The following ANK3 variants were observed in gnomAD, a reference collection of about 807,000 sequenced individuals.
ANK3 encodes ankyrin-3.
A neutral mutation model predicts 370.9 loss-of-function variants in ANK3; 57 were observed. The observed-to-expected ratio is 0.15, with a 90% CI of 0.12 to 0.19. ANK3 has a LOEUF of 0.19. Ranked by LOEUF, ANK3 falls within the 10% of genes least tolerant of loss-of-function variation. The pLI, the probability that ANK3 is intolerant of heterozygous loss-of-function variation, is 1.00. For missense variants in ANK3, 4,439 were observed against 5,302.1 expected (o/e 0.84, Z 5.06); for synonymous variants, 1,929 against 1,946.3 (o/e 0.99, Z 0.23).
At chr10:60,569,849 G>C (rs1257683933) in intron 2 of ANK3, among the ~76,000 whole-genome samples, 1 of 152,050 alleles carries the variant, frequency 6.6e-6, no homozygotes, top group Non-Finnish European at 1.5e-5. Context: ...TATGTCACTA[G>C]GAAATATTTT....
intron 1 of ANK3, among the ~76,000 whole-genome samples, chr10:60,721,620 T>G (rs1189034807): frequency 6.6e-6 from 1 of 152,186 alleles, no homozygotes; most frequent in East Asian, 1.9e-4. Context: ...TTAAAATGAT[T>G]TGTACTTCAT....
intron 2 of ANK3, chr10:60,572,976 C>T: frequency 5.1e-6 from 5 of 988,320 alleles, no homozygotes; most frequent in Non-Finnish European, 6.0e-6. Flanking sequence ...TCTCCGAAGC[C>T]TTCCCAGGGG....
chr10:60,656,950 T>C (rs2078872943), intron 1 of ANK3, among the ~76,000 whole-genome samples: 1 of 151,748 alleles, frequency 6.6e-6, no homozygotes, highest in African/African-American at 2.4e-5. Flanking sequence ...TTTTGTTTTT[T>C]GTTTTAAGAG....
At chr10:60,302,917 C>A (rs1427534989) in intron 1 of ANK3, among the ~76,000 whole-genome samples, 3 of 151,736 alleles carry the variant, frequency 2.0e-5, no homozygotes, top group African/African-American at 7.3e-5. Flanking sequence ...TGTGTCTAGT[C>A]AATCGAACTT....
intron 2 of ANK3, among the ~76,000 whole-genome samples, chr10:60,577,718 C>T (rs1401944579): frequency 1.3e-5 from 2 of 152,104 alleles, no homozygotes; most frequent in African/African-American, 4.8e-5. Flanking sequence ...AACAGACTAA[C>T]ACAAGTATGT....
chr10:60,191,489 A>G (rs972533838), intron 16 of ANK3, among the ~76,000 whole-genome samples: 1 of 152,248 alleles, frequency 6.6e-6, no homozygotes, highest in Non-Finnish European at 1.5e-5. Flanking sequence ...GATCGTCATC[A>G]CTAATCATCA....
chr10:60,112,905 A>G (rs1240567415), intron 26 of ANK3, among the ~76,000 whole-genome samples: 1 of 152,208 alleles, frequency 6.6e-6, no homozygotes, highest in Non-Finnish European at 1.5e-5. Flanking sequence ...CTTGATCACA[A>G]TTAACTTATG....
At chr10:60,512,149 G>A (rs1464223437) in intron 2 of ANK3, among the ~76,000 whole-genome samples, 2 of 152,006 alleles carry the variant, frequency 1.3e-5, no homozygotes, top group East Asian at 3.9e-4. Flanking sequence ...GTCTTATCTT[G>A]TATAGGAAAA....
At chr10:60,282,319 T>C (rs1334526937) in intron 1 of ANK3, among the ~76,000 whole-genome samples, 1 of 152,186 alleles carries the variant, frequency 6.6e-6, no homozygotes, top group East Asian at 1.9e-4. Context: ...TCTGGAAAGA[T>C]TTAATAATTC....
At chr10:60,270,327 C>A (rs1592797555) in intron 4 of ANK3, 98 bp from the exon 5 acceptor site, 2 of 613,570 alleles carry the variant, frequency 3.3e-6, no homozygotes, top group Non-Finnish European at 5.0e-6. Context: ...TGCTCACATA[C>A]AATAACTTTA....
chr10:60,571,295 C>T (rs1415239972), intron 2 of ANK3, among the ~76,000 whole-genome samples: 3 of 152,152 alleles, frequency 2.0e-5, no homozygotes, highest in Non-Finnish European at 4.4e-5. Flanking sequence ...TAGACATGAC[C>T]TCAGAACAGT....
rs369897458 is a variant in ANK3 at position 60,070,487 on chromosome 10, T to G, written c.10394A>C (p.Glu3465Ala). 7 of 1,614,046 alleles carry G rather than the reference T, an allele frequency of 4.3e-6. No individual in the cohort carries two copies. The African/African-American group carries it at 8.0e-5, about 18-fold the overall frequency. The change falls in exon 37 of 44, where the codon GAA becomes GCA. Residue 3465 changes from glutamate (E) to alanine (A), a missense_variant. This residue lies in a region of ANK3 where 1,601 missense variants were observed against 1,731.7 expected (regional missense o/e 0.92). Coordinates refer to ENST00000280772, the MANE Select transcript of ANK3 (RefSeq NM_020987.5). This position sits in a 1 kb window ranked among gnomAD's most constrained non-coding sequence, Gnocchi z 5.7. ...CACCTTTCCCTCCTCCTCGATAACT[T>G]CAAGTTTACTTTGGCTAAAAGAGCG... ...ADRSFSQSKL[E>A]VIEEEGKVGP...
intron 1 of ANK3, among the ~76,000 whole-genome samples, chr10:60,712,082 A>G (rs888000125): frequency 6.6e-6 from 1 of 152,222 alleles, no homozygotes; most frequent in African/African-American, 2.4e-5. Flanking sequence ...ACAGTGGCAT[A>G]TGCCTGTAGT....
At chr10:60,546,011 CAG>C (rs2076955137) in intron 2 of ANK3, among the ~76,000 whole-genome samples, 1 of 152,138 alleles carries the variant, frequency 6.6e-6, no homozygotes, top group Non-Finnish European at 1.5e-5. Flanking sequence ...AAAGATACAA[CAG>C]ATAATAATAA....
At chr10:60,402,973 G>C (rs2063383009) in intron 2 of ANK3, among the ~76,000 whole-genome samples, 2 of 152,294 alleles carry the variant, frequency 1.3e-5, no homozygotes, top group South Asian at 2.1e-4. Flanking sequence ...ACCAAAAAAG[G>C]CTGAGAATAT....
At chr10:60,722,807 C>G (rs2132026650) in intron 1 of ANK3, among the ~76,000 whole-genome samples, 1 of 152,304 alleles carries the variant, frequency 6.6e-6, no homozygotes, top group African/African-American at 2.4e-5. Flanking sequence ...CTTTCCCCTT[C>G]TCTCTCTTGC....
intron 23 of ANK3, among the ~76,000 whole-genome samples, chr10:60,155,244 G>C (rs574920879): frequency 2.7e-4 from 41 of 152,320 alleles, no homozygotes; most frequent in African/African-American, 9.4e-4. Context: ...ACAGCATAGA[G>C]AAAGAATCTG....
intron 2 of ANK3, among the ~76,000 whole-genome samples, chr10:60,441,541 C>T (rs144191221): frequency 0.018 from 2,751 of 152,164 alleles, 94 homozygotes; most frequent in African/African-American, 0.063. Flanking sequence ...AGGTCCTATA[C>T]ATGCACAACA....
At chr10:60,323,750 T>G (rs923850113) in intron 1 of ANK3, among the ~76,000 whole-genome samples, 10 of 151,964 alleles carry the variant, frequency 6.6e-5, no homozygotes, top group African/African-American at 2.4e-4. Context: ...AAGATCAGAC[T>G]GAGAAAATGT....
Sources: allele counts gnomAD v4.1 joint callset (sites outside exome capture counted in the v4.1 genomes callset), GRCh38; gene constraint gnomAD v4.1.1; regional missense constraint gnomAD v4.1.1; non-coding constraint Gnocchi (gnomAD v3.1); transcripts MANE v1.5; gene names NCBI Gene and HGNC (gene_info 2026-07-23, HGNC 2026-07-21).